ARID1B: variants seen among roughly 807,000 people sequenced by gnomAD.
The protein encoded by ARID1B is AT-rich interaction domain 1B.
Under a neutral mutation model 212.3 loss-of-function variants are expected in ARID1B, and 30 were observed. That is an observed-to-expected ratio of 0.14 (90% CI 0.11 to 0.19). The LOEUF (loss-of-function observed/expected upper bound fraction) is 0.19, where lower values mean the gene tolerates loss of function less well. ARID1B is among the 10% of genes least tolerant of loss of function. The pLI is 1.00. For missense variants in ARID1B, 2,891 were observed against 3,204.0 expected, an observed-to-expected ratio of 0.90 and a Z score of 2.36; for synonymous variants, 1,402 against 1,301.7, an observed-to-expected ratio of 1.08 and a Z score of -1.66.
intron 2 of ARID1B, among the ~76,000 whole-genome samples, chr6:156,859,939 C>T (rs1785209324): frequency 6.6e-6 from 1 of 152,050 alleles, no homozygotes; most frequent in Non-Finnish European, 1.5e-5. Flanking sequence ...TTGGTCTTGT[C>T]CTTATTTTGA....
chr6:157,026,011 G>A (rs1780638156), intron 4 of ARID1B, among the ~76,000 whole-genome samples: 1 of 151,590 alleles, frequency 6.6e-6, no homozygotes, highest in Non-Finnish European at 1.5e-5. Flanking sequence ...TGCAGCCTCC[G>A]CCTGGTGAGT....
chr6:157,142,941 A>G (rs1487245230), intron 7 of ARID1B, among the ~76,000 whole-genome samples: 1 of 152,224 alleles, frequency 6.6e-6, no homozygotes, highest in African/African-American at 2.4e-5. Context: ...GAGTGGAAAC[A>G]TTTAGTAGTT....
intron 4 of ARID1B, chr6:156,976,795 G>A: frequency 1.8e-6 from 1 of 557,550 alleles, no homozygotes; most frequent in South Asian, 1.4e-5. Flanking sequence ...CCCATCGGCA[G>A]GAAAAACTCC....
At chr6:157,186,428 G>A (rs1365227895) in intron 13 of ARID1B, 6 of 471,080 alleles carry the variant, frequency 1.3e-5, no homozygotes, top group South Asian at 4.6e-5. Context: ...GTCCAGCCCC[G>A]AGAGCGCGTG....
intron 4 of ARID1B, among the ~76,000 whole-genome samples, chr6:157,021,921 T>G (rs1182903704): frequency 6.6e-6 from 1 of 152,190 alleles, no homozygotes; most frequent in Admixed American, 6.5e-5. Flanking sequence ...AACCTCTGCG[T>G]CCCGCGTGGC....
intron 2 of ARID1B, among the ~76,000 whole-genome samples, chr6:156,836,207 C>T (rs1268728326): frequency 6.6e-6 from 1 of 152,180 alleles, no homozygotes; most frequent in Non-Finnish European, 1.5e-5. Flanking sequence ...AGTGACGTAT[C>T]TTAGACAAGT....
intron 2 of ARID1B, among the ~76,000 whole-genome samples, chr6:156,887,331 GA>G (rs1436131747): frequency 6.6e-6 from 1 of 152,214 alleles, no homozygotes; most frequent in African/African-American, 2.4e-5. Context: ...CTCAGAGGAA[GA>G]AATTTAAGAG....
chr6:157,202,888 G>A (rs1794202243), intron 18 of ARID1B, among the ~76,000 whole-genome samples: 1 of 152,036 alleles, frequency 6.6e-6, no homozygotes, highest in African/African-American at 2.4e-5. Context: ...TGTATTGTGT[G>A]TTTATGTGTG....
At chr6:156,923,969 A>G in intron 3 of ARID1B, among the ~76,000 whole-genome samples, 1 of 152,214 alleles carries the variant, frequency 6.6e-6, no homozygotes, top group East Asian at 1.9e-4. Context: ...TGCTGGGATT[A>G]CAGGCATAAT....
intron 4 of ARID1B, among the ~76,000 whole-genome samples, chr6:157,039,771 A>ACCTT (rs1228008196): frequency 9.5e-5 from 8 of 84,584 alleles, no homozygotes; most frequent in African/African-American, 4.1e-4. Flanking sequence ...CTTCCTACCT[A>ACCTT]CCTACCTTCC....
rs531646467 is a variant in ARID1B, at chr6:157,098,103, A to AG, written c.2492-12367dup. On this transcript the variant is annotated intron_variant, in intron 5 of 19. Transcript: ENST00000636930. ...AATCTTAGAAAGAGGAAAAATATTG[A>AG]GGAGGAATAAGAATGGGTGAGAGAA... Among the ~76,000 whole-genome samples, 630 of 152,268 alleles carry AG rather than the reference A, an allele frequency of 4.1e-3. 3 individuals carry two copies. The highest frequency in any genetic ancestry group is 0.015 in the African/African-American group (603 of 41,566).
chr6:156,866,838 G>A (rs1785730689), intron 2 of ARID1B, among the ~76,000 whole-genome samples: 1 of 152,206 alleles, frequency 6.6e-6, no homozygotes, highest in Admixed American at 6.5e-5. Flanking sequence ...GTCTACACGA[G>A]TTCTTTTGAA....
intron 4 of ARID1B, among the ~76,000 whole-genome samples, chr6:157,017,268 T>G (rs1425866225): frequency 6.6e-6 from 1 of 152,148 alleles, no homozygotes; most frequent in Non-Finnish European, 1.5e-5. Context: ...ACAATTCTGG[T>G]AAATTTTAAA....
intron 1 of ARID1B, among the ~76,000 whole-genome samples, chr6:156,806,761 G>A (rs1781188739): frequency 6.6e-6 from 1 of 152,166 alleles, no homozygotes; most frequent in African/African-American, 2.4e-5. Context: ...GTTTGGATCA[G>A]GGGGTCAGCA....
chr6:156,932,829 AT>A (rs1256258592), intron 3 of ARID1B, among the ~76,000 whole-genome samples: 4 of 152,206 alleles, frequency 2.6e-5, no homozygotes, highest in Admixed American at 6.5e-5. Flanking sequence ...ATTAATACTT[AT>A]GTTCAAACAT....
intron 11 of ARID1B, 58 bp downstream of exon 11, chr6:157,175,063 G>A (rs1266624187): frequency 6.4e-6 from 8 of 1,251,598 alleles, no homozygotes; most frequent in Non-Finnish European, 6.2e-6. Flanking sequence ...GGGGTTTTTT[G>A]ATAATTAATT....
chr6:157,074,910 C>T (rs1784213817), intron 4 of ARID1B, among the ~76,000 whole-genome samples: 1 of 152,146 alleles, frequency 6.6e-6, no homozygotes, highest in African/African-American at 2.4e-5. Context: ...GTGTAAAACA[C>T]ACTGGGTGTC....
At position 156,818,098 on chromosome 6, in the gene ARID1B, A is replaced by ATTTTT. The variant is rs71027317; in HGVS notation, c.1792-11107_1792-11103dup. On this transcript the variant is annotated intron_variant, in intron 1 of 19. Coordinates refer to ENST00000636930, the MANE Select transcript of ARID1B (RefSeq NM_001374828.1). ...TTTATATGTTGAATTTAGTTGCCCT[A>ATTTTT]TTTTTTTTTTTTTTTTTTTTTTTTT... Among the ~76,000 whole-genome samples, 21 of 61,326 alleles carry ATTTTT rather than the reference A, an allele frequency of 3.4e-4. 1 individual carries two copies. The highest frequency in any genetic ancestry group is 1.5e-3 in the South Asian group (2 of 1,300). 40.2% of individuals were successfully genotyped at this position (61,326 alleles called of 152,430 possible). A position where few individuals can be genotyped will look rare whatever the true frequency, so the allele number is the denominator to read the frequency against.
At chr6:157,001,283 C>T (rs913121210) in intron 4 of ARID1B, among the ~76,000 whole-genome samples, 1 of 152,086 alleles carries the variant, frequency 6.6e-6, no homozygotes, top group Non-Finnish European at 1.5e-5. Flanking sequence ...ACTGTTGCTC[C>T]GAGAGGGATC....
Sources: gnomAD v4.1 joint callset for allele counts (sites outside exome capture counted in the v4.1 genomes callset) on GRCh38, gnomAD v4.1.1 for gene constraint, MANE v1.5 for transcripts, NCBI Gene and HGNC (gene_info 2026-07-23, HGNC 2026-07-21) for gene names.